The following KCNJ16 variants were observed in gnomAD, a reference collection of about 807,000 sequenced individuals.
KCNJ16 encodes the protein potassium inwardly rectifying channel subfamily J member 16.
A neutral mutation model predicts 18.5 loss-of-function variants in KCNJ16; 15 were observed. The ratio of observed to expected loss-of-function variants is 0.81; its 90% confidence interval spans 0.54 to 1.25. The LOEUF (loss-of-function observed/expected upper bound fraction) is 1.25. Among genes scored for constraint, KCNJ16 ranks in the 50% most tolerant of loss-of-function variants. KCNJ16 has a pLI of 0.00. For synonymous variants in KCNJ16, 174 were observed against 186.5 expected, an observed-to-expected ratio of 0.93 and a Z score of 0.55; for missense variants, 523 against 525.7, an observed-to-expected ratio of 0.99 and a Z score of 0.05.
rs2074087841 is a variant in KCNJ16, at chr17:70,132,385, G to A, written c.298G>A (p.Gly100Ser). 1 of 1,613,974 alleles carries A rather than the reference G, an allele frequency of 6.2e-7. No homozygotes were observed. The highest frequency in any genetic ancestry group is 1.7e-5 in the Admixed American group (1 of 59,998). Residue 100 changes from glycine (G) to serine (S), a missense_variant, in exon 4 of 4, where the codon GGC (glycine) becomes AGC (serine). Physicochemically the swap from Gly to Ser is moderately conservative, Grantham distance 56. Transcript: ENST00000392671. The part of the protein sequence containing the change: ...SVFWLIAFHH[G>S]DLLNDPDITP... ...CTTTTGGCTCATAGCCTTTCATCAT[G>A]GCGATCTATTAAATGATCCAGACAT... is the stretch of plus-strand genomic sequence containing the variant.
intron 2 of KCNJ16, among the ~76,000 whole-genome samples, chr17:70,117,366 A>C (rs1478471687): frequency 6.6e-6 from 1 of 150,796 alleles, no homozygotes; most frequent in Non-Finnish European, 1.5e-5. Flanking sequence ...AAACCTCAGC[A>C]TCACACAATA....
chr17:70,103,663 T>C (rs1364466255), intron 2 of KCNJ16, among the ~76,000 whole-genome samples: 1 of 152,088 alleles, frequency 6.6e-6, no homozygotes, highest in Non-Finnish European at 1.5e-5. Flanking sequence ...TATTGTTTCA[T>C]CCATGTTCAT....
At chr17:70,123,268 GAAAAGA>G (rs2073720867) in intron 2 of KCNJ16, among the ~76,000 whole-genome samples, 1 of 143,288 alleles carries the variant, frequency 7.0e-6, no homozygotes, top group African/African-American at 2.6e-5. Context: ...AAAAGATATT[GAAAAGA>G]TAACAGTTTA....
chr17:70,127,723 C>T (rs2073903078), intron 2 of KCNJ16, among the ~76,000 whole-genome samples: 1 of 152,126 alleles, frequency 6.6e-6, no homozygotes, highest in South Asian at 2.1e-4. Flanking sequence ...ACTCTCCACC[C>T]CATCAGCTCT....
At chr17:70,107,742 T>G (rs1472492580) in intron 2 of KCNJ16, among the ~76,000 whole-genome samples, 1 of 152,160 alleles carries the variant, frequency 6.6e-6, no homozygotes. Flanking sequence ...AGATGAAGTC[T>G]GACACTGTTT....
chr17:70,131,972 T>C (rs775598380), intron 3 of KCNJ16, 23 bp from the exon 4 acceptor site: 1 of 1,537,530 alleles, frequency 6.5e-7, no homozygotes. Context: ...AAAAAGTGTG[T>C]TTTTGTTGTT....
At chr17:70,126,775 G>A (rs1039089973) in intron 2 of KCNJ16, among the ~76,000 whole-genome samples, 10 of 152,082 alleles carry the variant, frequency 6.6e-5, no homozygotes, top group South Asian at 2.1e-4. Flanking sequence ...TTCTAAACTC[G>A]GTAACTTAAA....
At chr17:70,123,069 T>C (rs1487189532) in intron 2 of KCNJ16, among the ~76,000 whole-genome samples, 2 of 152,196 alleles carry the variant, frequency 1.3e-5, no homozygotes, top group African/African-American at 2.4e-5. Context: ...CTTGTTCAAA[T>C]GCAAAAGTTA....
chr17:70,087,740 C>T (rs988948572), intron 1 of KCNJ16, among the ~76,000 whole-genome samples: 1 of 151,584 alleles, frequency 6.6e-6, no homozygotes, highest in Non-Finnish European at 1.5e-5. Flanking sequence ...TAAAATGTGA[C>T]GATGTAAAAG....
In KCNJ16 at chr17:70,132,503, T is replaced by C; in HGVS notation, c.416T>C (p.Val139Ala). 11 of 1,614,212 alleles carry C rather than the reference T, an allele frequency of 6.8e-6. No individual in the cohort carries two copies. The highest frequency in any genetic ancestry group is 9.3e-6 in the Non-Finnish European group (11 of 1,180,036). Reference sequence around the variant, plus strand: ...ACCATAGGATATGGTTATCGCTGTGTTACTGAAGAATGTTCTGTGGCCGTG... The same window carrying C: ...ACCATAGGATATGGTTATCGCTGTGCTACTGAAGAATGTTCTGTGGCCGTG... ...QTTIGYGYRC[V>A]TEECSVAVLM... The change falls in exon 4 of 4, where the codon GTT (valine) becomes GCT (alanine). Residue 139 changes from valine to alanine, a missense_variant. Physicochemically the swap from Val to Ala is moderately conservative, Grantham distance 64 (BLOSUM62 0). Coordinates refer to ENST00000392671, the MANE Select transcript of KCNJ16 (RefSeq NM_170741.4).
chr17:70,119,111 T>A (rs2073531172), intron 2 of KCNJ16, among the ~76,000 whole-genome samples: 1 of 152,222 alleles, frequency 6.6e-6, no homozygotes, highest in South Asian at 2.1e-4. Flanking sequence ...TCATAAAATC[T>A]TAATGCTCCA....
At chr17:70,128,166 G>T (rs182619139) in intron 2 of KCNJ16, 107 of 152,294 alleles carry the variant, frequency 7.0e-4, no homozygotes, top group African/African-American at 2.2e-3. Context: ...TACTGGAAAC[G>T]GGGACAAATA....
rs567549472 is a variant in KCNJ16 at position 70,091,172 on chromosome 17, G to T, written c.-299-9486G>T. Among the ~76,000 whole-genome samples, 5 of 152,164 alleles carry T rather than the reference G, an allele frequency of 3.3e-5. No homozygotes were observed. In the South Asian group the frequency reaches 1.0e-3, roughly 32 times the overall value. ...TTCAGAAGAATTACACCAATCATGA[G>T]TAGGTCCTCCTCAGAACTCACTCAT... is the stretch of plus-strand genomic sequence containing the variant. On this transcript the variant is annotated intron_variant, in intron 1 of 3. Transcript: ENST00000392671.
At chr17:70,087,579 C>T (rs1205888978) in intron 1 of KCNJ16, among the ~76,000 whole-genome samples, 4 of 151,978 alleles carry the variant, frequency 2.6e-5, no homozygotes, top group African/African-American at 7.3e-5. Context: ...TGGTGGCAGG[C>T]GCCTGTAATT....
At chr17:70,079,961 C>T (rs112714673) in intron 1 of KCNJ16, among the ~76,000 whole-genome samples, 10 of 152,290 alleles carry the variant, frequency 6.6e-5, no homozygotes, top group Middle Eastern at 3.4e-3. Context: ...CTTCGGCCTC[C>T]CAAAGTGCTG....
At chr17:70,120,636 G>A (rs1368162100) in intron 2 of KCNJ16, among the ~76,000 whole-genome samples, 1 of 152,168 alleles carries the variant, frequency 6.6e-6, no homozygotes, top group Admixed American at 6.5e-5. Flanking sequence ...GCAAAAGAGA[G>A]AGAGAAGTGT....
chr17:70,104,164 C>G (rs942717849), intron 2 of KCNJ16, among the ~76,000 whole-genome samples: 3 of 152,030 alleles, frequency 2.0e-5, no homozygotes, highest in Admixed American at 6.6e-5. Flanking sequence ...TGAGGTTTCA[C>G]TACATTGCCC....
chr17:70,085,680 A>G (rs1304999611), intron 1 of KCNJ16, among the ~76,000 whole-genome samples: 2 of 152,208 alleles, frequency 1.3e-5, no homozygotes, highest in Non-Finnish European at 2.9e-5. Flanking sequence ...ATTCTGCTCT[A>G]TGCCTCTGAT....
intron 2 of KCNJ16, among the ~76,000 whole-genome samples, chr17:70,124,583 A>C (rs2073782644): frequency 6.6e-6 from 1 of 152,124 alleles, no homozygotes; most frequent in Non-Finnish European, 1.5e-5. Flanking sequence ...GTGTTATCTG[A>C]CTTCTTTGCC....
Sources: allele counts gnomAD v4.1 joint callset (sites outside exome capture counted in the v4.1 genomes callset), GRCh38; gene constraint gnomAD v4.1.1; transcripts MANE v1.5; gene names NCBI Gene and HGNC (gene_info 2026-07-23, HGNC 2026-07-21).